Variants in CPLX1 observed in about 807,000 individuals in gnomAD.
CPLX1 encodes complexin-1.
Under a neutral mutation model 15.6 loss-of-function variants are expected in CPLX1, and 6 were observed. The observed-to-expected ratio is 0.39, with a 90% CI of 0.21 to 0.76. CPLX1 has a LOEUF of 0.76. Among genes scored for constraint, CPLX1 ranks in the 30% least tolerant of loss-of-function variants. The pLI, the probability that CPLX1 is intolerant of heterozygous loss-of-function variation, is 0.43. For missense variants in CPLX1, 242 were observed against 188.6 expected, an observed-to-expected ratio of 1.28 and a Z score of -1.66; for synonymous variants, 91 against 75.2, an observed-to-expected ratio of 1.21 and a Z score of -1.08.
rs370160153 is a variant in CPLX1, at chr4:809,868, G to A, written c.31+14624C>T. 1.5e-4 allele frequency among the ~76,000 whole-genome samples: 23 copies of A among 152,030 alleles called. No individual in the cohort carries two copies. In the East Asian group the frequency reaches 2.1e-3, roughly 14 times the overall value. ...ACAATACGTGGTATCTGCAGCAGGCGGGGGGACTGGCCCGGTTACTGAGTT... is the reference window on the plus strand; with the variant it reads ...ACAATACGTGGTATCTGCAGCAGGCAGGGGGACTGGCCCGGTTACTGAGTT... On this transcript the variant is annotated intron_variant, in intron 2 of 3. Coordinates refer to ENST00000304062, the MANE Select transcript of CPLX1 (RefSeq NM_006651.4).
intron 2 of CPLX1, among the ~76,000 whole-genome samples, chr4:817,543 C>T (rs1364993957): frequency 2.0e-5 from 3 of 151,490 alleles, no homozygotes; most frequent in Admixed American, 6.6e-5. Flanking sequence ...GGCAATAGAG[C>T]GAGACTCTGT....
At chr4:814,063 A>G (rs556408798) in intron 2 of CPLX1, among the ~76,000 whole-genome samples, 1 of 152,298 alleles carries the variant, frequency 6.6e-6, no homozygotes, top group Non-Finnish European at 1.5e-5. Flanking sequence ...GCGGCCAGAC[A>G]TGTGAACTCA....
chr4:787,223 C>T (rs754061811), intron 3 of CPLX1: 62 of 985,282 alleles, frequency 6.3e-5, no homozygotes, highest in Non-Finnish European at 7.0e-5. Flanking sequence ...GCTGCAGCTC[C>T]GTGGGCAGCC....
intron 2 of CPLX1, among the ~76,000 whole-genome samples, chr4:818,436 C>T (rs1248020705): frequency 2.6e-5 from 4 of 152,388 alleles, no homozygotes; most frequent in Middle Eastern, 3.4e-3. Context: ...GTCTGATGCA[C>T]GTCCTGCAAT....
At chr4:789,770 G>T (rs987740096) in intron 3 of CPLX1, among the ~76,000 whole-genome samples, 1 of 152,220 alleles carries the variant, frequency 6.6e-6, no homozygotes, top group South Asian at 2.1e-4. Context: ...AAAGGACCCA[G>T]TCCCCATCTG....
At chr4:815,410 C>CAAAAAAA (rs71166897) in intron 2 of CPLX1, among the ~76,000 whole-genome samples, 1 of 93,332 alleles carries the variant, frequency 1.1e-5, no homozygotes, top group Non-Finnish European at 2.0e-5. Context: ...GACTCCGTCT[C>CAAAAAAA]AAAAAAAAAA....
chr4:811,863 G>A (rs1181904445), intron 2 of CPLX1, among the ~76,000 whole-genome samples: 1 of 152,118 alleles, frequency 6.6e-6, no homozygotes, highest in East Asian at 1.9e-4. Context: ...CTTTGCTGAC[G>A]TATGTTGGAA....
rs763262947 is a variant in CPLX1, at chr4:792,547, G to A, written c.93C>T (p.Ala31=). 6.2e-6 allele frequency: 10 copies of A among 1,613,296 alleles called. No individual in the cohort carries two copies. Among genetic ancestry groups the A allele is most frequent in the Non-Finnish European group, 7.6e-6 (9 of 1,179,662 alleles). Residue 31 remains alanine, a synonymous_variant, in exon 3 of 4, where the codon GCC becomes GCT. Transcript: ENST00000304062. ...CCTCCTGCCGCTCCTCCTCCTTCTT[G>A]GCGGCGTCTGGGTCCTTCTCCTCGT... ...GGDEEKDPDA[A]KKEEERQEAL...
intron 2 of CPLX1, among the ~76,000 whole-genome samples, chr4:800,544 ATG>A (rs35443412): frequency 0.17 from 19,911 of 119,350 alleles, 1,563 homozygotes; most frequent in African/African-American, 0.31. Context: ...ATACACACAC[ATG>A]TATGTATATA....
At chr4:826,004 G>T in intron 1 of CPLX1, 42 bp downstream of exon 1, 1 of 21,548 alleles carries the variant, frequency 4.6e-5, no homozygotes, top group South Asian at 1.4e-3. Context: ...GGAGACCCGG[G>T]GAGCGGAGGC....
chr4:824,616 A>G lies in CPLX1; in HGVS notation c.-79-15T>C, dbSNP rs769967856. 7.2e-7 allele frequency: 1 copy of G among 1,381,212 alleles called. No individual in the cohort carries two copies. Among genetic ancestry groups the G allele is most frequent in the East Asian group, 2.3e-5 (1 of 43,788 alleles). The allele number at this position is 1,381,212 out of a possible 1,614,324, so 85.6% of individuals were successfully genotyped here. On this transcript the variant is annotated splice_polypyrimidine_tract_variant and intron_variant, in intron 1 of 3. Transcript: ENST00000304062. ...GAGTGTTCTTCCTGGGGGAGAGTGA[A>G]GTGGTCACAGGTCACCCTAAGCAGG...
At position 792,421 on chromosome 4, in the gene CPLX1, C is replaced by T. The variant is rs1460007859; in HGVS notation, c.207+12G>A. 2.0e-6 allele frequency: 3 copies of T among 1,528,348 alleles called. No individual in the cohort carries two copies. The highest frequency in any genetic ancestry group is 1.8e-6 in the Non-Finnish European group (2 of 1,139,322). The allele number at this position is 1,528,348 out of a possible 1,614,324, so 94.7% of individuals were successfully genotyped here. On this transcript the variant is annotated intron_variant, in intron 3 of 3. Transcript: ENST00000304062. ...GCCGCCTTCCCGCAGGCGGGGCCGG[C>T]CCGGCGCGCACCTTGTCTCGGATGC...
At chr4:788,368 A>G in intron 3 of CPLX1, 1 of 984,804 alleles carries the variant, frequency 1.0e-6, no homozygotes, top group Non-Finnish European at 1.2e-6. Flanking sequence ...CTTCAGTGAG[A>G]TGGAAAGGAG....
intron 2 of CPLX1, among the ~76,000 whole-genome samples, chr4:821,685 G>C (rs1293366085): frequency 6.6e-6 from 1 of 152,162 alleles, no homozygotes; most frequent in East Asian, 1.9e-4. Flanking sequence ...ACGTGTTGTG[G>C]GGGGAGGCCC....
At chr4:791,183 G>GGCGGGGAGCGGGGA (rs879689418) in intron 3 of CPLX1, among the ~76,000 whole-genome samples, 5 of 148,970 alleles carry the variant, frequency 3.4e-5, no homozygotes, top group Non-Finnish European at 7.4e-5. Context: ...CGGGGCGGGG[G>GGCGGGGAGCGGGGA]GCGGGGAGCG....
chr4:805,785 G>T (rs769109497), intron 2 of CPLX1, among the ~76,000 whole-genome samples: 24 of 152,302 alleles, frequency 1.6e-4, no homozygotes, highest in Non-Finnish European at 3.1e-4. Context: ...AAGGAATTAA[G>T]TTCCAACACA....
chr4:798,216 A>G (rs1453792126), intron 2 of CPLX1, among the ~76,000 whole-genome samples: 4 of 144,512 alleles, frequency 2.8e-5, no homozygotes, highest in African/African-American at 1.0e-4. Context: ...TGGAGGTTGC[A>G]GTGAGCCGAG....
chr4:811,005 C>G (rs1746657896), intron 2 of CPLX1, among the ~76,000 whole-genome samples: 1 of 151,864 alleles, frequency 6.6e-6, no homozygotes, highest in Non-Finnish European at 1.5e-5. Flanking sequence ...CCTCTAATTT[C>G]CCTTTTTTAT....
At chr4:821,963 C>T (rs1466984742) in intron 2 of CPLX1, among the ~76,000 whole-genome samples, 2 of 152,184 alleles carry the variant, frequency 1.3e-5, no homozygotes, top group Non-Finnish European at 2.9e-5. Context: ...AGGTCCTCAC[C>T]TCTTCCTCCT....
Sources: allele counts gnomAD v4.1 joint callset (sites outside exome capture counted in the v4.1 genomes callset), GRCh38; gene constraint gnomAD v4.1.1; transcripts MANE v1.5; gene names NCBI Gene and HGNC (gene_info 2026-07-23, HGNC 2026-07-21).